Variants in DEPDC1 observed in about 807,000 individuals in gnomAD.
The protein encoded by DEPDC1 is DEP domain-containing protein 1A.
A neutral mutation model predicts 86.8 loss-of-function variants in DEPDC1; 66 were observed. The ratio of observed to expected loss-of-function variants is 0.76; its 90% CI spans 0.62 to 0.93. The LOEUF (loss-of-function observed/expected upper bound fraction) is 0.93. DEPDC1 is among the 40% of genes least tolerant of loss of function. DEPDC1 has a pLI of 0.00. For synonymous variants in DEPDC1, 255 were observed against 314.9 expected (o/e 0.81, Z 2.02); for missense variants, 792 against 935.7 (o/e 0.85, Z 2.00).
chr1:68,483,616 C>G (rs1646173054), intron 7 of DEPDC1: 1 of 278,744 alleles, frequency 3.6e-6, no homozygotes, highest in African/African-American at 2.3e-5. Flanking sequence ...TCTGTGCCAC[C>G]CCCACCCTCA....
At chr1:68,495,300 G>A (rs950894260) in intron 1 of DEPDC1, among the ~76,000 whole-genome samples, 2 of 152,078 alleles carry the variant, frequency 1.3e-5, no homozygotes, top group Non-Finnish European at 2.9e-5. Flanking sequence ...CTGGAAATAA[G>A]GAAGAACTAC....
intron 11 of DEPDC1, among the ~76,000 whole-genome samples, 154 bp downstream of exon 11, chr1:68,477,633 G>A (rs149777135): frequency 5.8e-4 from 88 of 151,680 alleles, no homozygotes; most frequent in African/African-American, 2.0e-3. Context: ...TTAGGTTAAC[G>A]CACATATACA....
intron 7 of DEPDC1, 62 bp downstream of exon 7, chr1:68,483,888 A>T: frequency 9.1e-7 from 1 of 1,100,728 alleles, no homozygotes; most frequent in Non-Finnish European, 1.3e-6. Context: ...TAGATCTTCT[A>T]AATTATAAGA....
rs1287764541 is a variant in DEPDC1 at position 68,475,274 on chromosome 1, C to A, written c.*1658G>T. ...CATTAGTGCAAATGAAAGTTGCCTG[C>A]CTTTATTATTTATATATTTGTCTAT... On this transcript the variant is annotated 3_prime_UTR_variant, in exon 12 of 12. Transcript: ENST00000456315. 1 of 151,732 alleles carries A rather than the reference C, an allele frequency of 6.6e-6. No individual in the cohort carries two copies. The highest frequency in any genetic ancestry group is 2.1e-4 in the South Asian group (1 of 4,820). The allele number at this position is 151,732 out of a possible 1,614,324, so 9.4% of individuals were successfully genotyped here.
At chr1:68,480,167 A>G (rs916303721) in intron 9 of DEPDC1, among the ~76,000 whole-genome samples, 1 of 151,688 alleles carries the variant, frequency 6.6e-6, no homozygotes, top group African/African-American at 2.4e-5. Flanking sequence ...ATCTTATGGG[A>G]TCTTCAAATC....
intron 9 of DEPDC1, among the ~76,000 whole-genome samples, 194 bp downstream of exon 9, chr1:68,481,246 G>C (rs937884364): frequency 8.6e-5 from 13 of 152,006 alleles, no homozygotes; most frequent in African/African-American, 2.7e-4. Context: ...ATCAGCATGT[G>C]AAAGTATAAC....
chr1:68,496,767 G>T lies in DEPDC1; in HGVS notation c.48+185C>A. Reference sequence around the variant, plus strand: ...GAGGCCCAGACCCTCAAAATAGAGGGAGCGGTGAGTCTGGCAAGGGTTGCA... The same window carrying T: ...GAGGCCCAGACCCTCAAAATAGAGGTAGCGGTGAGTCTGGCAAGGGTTGCA... On this transcript the variant is annotated intron_variant, in intron 1 of 11. Transcript: ENST00000456315. The surrounding 1 kb of genome is among the most constrained non-coding windows in gnomAD (Gnocchi z 4.0). 1 of 580,564 alleles carries T rather than the reference G, an allele frequency of 1.7e-6. No individual in the cohort carries two copies. The highest frequency in any genetic ancestry group is 3.1e-6 in the Non-Finnish European group (1 of 326,254). The allele number at this position is 580,564 out of a possible 1,614,324, so 36.0% of individuals were successfully genotyped here.
rs756048112 is a variant in DEPDC1 at position 68,483,932 on chromosome 1, A to G, written c.910+18T>C. On this transcript the variant is annotated intron_variant, in intron 7 of 11. Coordinates refer to ENST00000456315, the MANE Select transcript of DEPDC1 (RefSeq NM_001114120.3). Reference sequence around the variant, plus strand: ...AACTTTAACAAAATGAACTAAAATCAGTAAAATCTATACATACCCAAAATG... The same window carrying G: ...AACTTTAACAAAATGAACTAAAATCGGTAAAATCTATACATACCCAAAATG... The G allele has an allele frequency of 7.2e-7, 1 of 1,385,454 alleles. No homozygotes were observed. The highest frequency in any genetic ancestry group is 1.5e-5 in the South Asian group (1 of 65,494). The allele number at this position is 1,385,454 out of a possible 1,614,324, so 85.8% of individuals were successfully genotyped here.
At chr1:68,493,126 A>C (rs1402591315) in intron 2 of DEPDC1, among the ~76,000 whole-genome samples, 1 of 152,202 alleles carries the variant, frequency 6.6e-6, no homozygotes. Context: ...TTAAAGGATG[A>C]GCAGCAGTAA....
rs576934309 is a variant in DEPDC1 at position 68,478,101 on chromosome 1, T to C, written c.2113-129A>G. 9.5e-4 allele frequency: 570 copies of C among 600,210 alleles called. 2 individuals are homozygous for C. Among genetic ancestry groups the C allele is most frequent in the Middle Eastern group, 8.3e-3 (19 of 2,300 alleles). The allele number at this position is 600,210 out of a possible 1,614,324, so 37.2% of individuals were successfully genotyped here. ...AAACATTCAGCCATTAAAAAAACTA[T>C]GTATTATGCAGTAGAGGTATGTAAG... On this transcript the variant is annotated intron_variant, in intron 10 of 11. Transcript: ENST00000456315.
rs765176160 is a variant in DEPDC1 at position 68,482,310 on chromosome 1, C to T, written c.1498G>A (p.Gly500Arg). 6.8e-6 allele frequency: 11 copies of T among 1,612,750 alleles called. No individual in the cohort carries two copies. The East Asian group carries it at 2.2e-4, about 33-fold the overall frequency. ...TVQDQEELCN[G>R]KCKSKQLCRS... Reference sequence around the variant, plus strand: ...CAAAGCTGTTTTGACTTGCATTTCCCATTACACAACTCCTCTTGGTCTTGA... The same window carrying T: ...CAAAGCTGTTTTGACTTGCATTTCCTATTACACAACTCCTCTTGGTCTTGA... Residue 500 changes from glycine to arginine, a missense_variant, in exon 8 of 12, where the codon GGG becomes AGG. By Grantham distance (125) the Gly-to-Arg change is moderately radical. Transcript: ENST00000456315.
At position 68,481,513 on chromosome 1, in the gene DEPDC1, A is replaced by G; in HGVS notation, c.1862T>C (p.Met621Thr). The change falls in exon 9 of 12, where the codon ATG becomes ACG. Residue 621 changes from methionine to threonine, a missense_variant. Physicochemically the swap from Met to Thr is moderately conservative, Grantham distance 81. Coordinates refer to ENST00000456315, the MANE Select transcript of DEPDC1 (RefSeq NM_001114120.3). ...TTGACTCATTCGGGAAATCATACGCATTAAAAGTTGAAGCTTTCTACGATT... is the reference window on the plus strand; with the variant it reads ...TTGACTCATTCGGGAAATCATACGCGTTAAAAGTTGAAGCTTTCTACGATT... ...PPNRRKLQLL[M>T]RMISRMSQNV... is the part of the protein sequence containing the mutation. The G allele has an allele frequency of 6.2e-7, 1 of 1,612,486 alleles. No homozygotes were observed. The highest frequency in any genetic ancestry group is 8.5e-7 in the Non-Finnish European group (1 of 1,179,078).
Position 68,488,512 on chromosome 1 carries a change from G to A in DEPDC1, c.591-8C>T, listed in dbSNP as rs774290678. 3 of 1,595,652 alleles carry A rather than the reference G, an allele frequency of 1.9e-6. No individual in the cohort carries two copies. Among genetic ancestry groups the A allele is most frequent in the African/African-American group, 1.4e-5 (1 of 73,868 alleles). ...CCTAAAATGGTTTGCAGGCTAAATA[G>A]AAGAAAGAATATTAACTTTTTTTCT... On this transcript the variant is annotated splice_polypyrimidine_tract_variant and splice_region_variant and intron_variant, in intron 4 of 11. Transcript: ENST00000456315.
chr1:68,490,449 C>G (rs1375392404), intron 2 of DEPDC1, among the ~76,000 whole-genome samples: 1 of 152,268 alleles, frequency 6.6e-6, no homozygotes, highest in East Asian at 1.9e-4. Context: ...TTTTTTATGG[C>G]TGCATACTAT....
At chr1:68,480,998 C>T (rs1254061383) in intron 9 of DEPDC1, among the ~76,000 whole-genome samples, 2 of 151,936 alleles carry the variant, frequency 1.3e-5, no homozygotes, top group Non-Finnish European at 2.9e-5. Flanking sequence ...ACTTCTTGTC[C>T]ACGATGACCT....
intron 2 of DEPDC1, among the ~76,000 whole-genome samples, chr1:68,494,096 A>G (rs2100274800): frequency 6.6e-6 from 1 of 152,336 alleles, no homozygotes; most frequent in East Asian, 1.9e-4. Flanking sequence ...GGATCTGTGA[A>G]CTTATAATCT....
Position 68,482,436 on chromosome 1 carries a change from C to T in DEPDC1, c.1372G>A (p.Glu458Lys). Reference sequence around the variant, plus strand: ...AGGAATTCCTGTTTGGGCTTAGACTCTAAAAACAGTTTATTATTTTGTCCT... The same window carrying T: ...AGGAATTCCTGTTTGGGCTTAGACTTTAAAAACAGTTTATTATTTTGTCCT... ...IEGQNNKLFL[E>K]SKPKQEFLLN... The change falls in exon 8 of 12, where the codon GAG (glutamate) becomes AAG (lysine). Residue 458 changes from glutamate to lysine, a missense_variant. By Grantham distance (56) the Glu-to-Lys change is moderately conservative. Transcript: ENST00000456315. The T allele has an allele frequency of 6.2e-7, 1 of 1,612,840 alleles. No homozygotes were observed.
chr1:68,481,333 T>C, intron 9 of DEPDC1, 107 bp downstream of exon 9: 2 of 1,001,836 alleles, frequency 2.0e-6, no homozygotes, highest in Non-Finnish European at 2.9e-6. Flanking sequence ...CCTAAGAATC[T>C]AGCACTTTAA....
intron 9 of DEPDC1, 65 bp downstream of exon 9, chr1:68,481,375 G>A (rs190201975): frequency 1.3e-5 from 18 of 1,413,800 alleles, no homozygotes; most frequent in Middle Eastern, 2.6e-4. Context: ...GTACTTTTAC[G>A]TAGTTTGGTT....
Sources: allele counts gnomAD v4.1 joint callset (sites outside exome capture counted in the v4.1 genomes callset), GRCh38; gene constraint gnomAD v4.1.1; non-coding constraint Gnocchi (gnomAD v3.1); transcripts MANE v1.5; gene names NCBI Gene and HGNC (gene_info 2026-07-23, HGNC 2026-07-21).